The following EIF3G variants were observed in gnomAD, a reference collection of about 807,000 sequenced individuals.
EIF3G encodes the protein eukaryotic translation initiation factor 3 subunit G, also known as eukaryotic translation initiation factor 3 RNA-binding subunit.
A neutral mutation model predicts 41.7 loss-of-function variants in EIF3G; 10 were observed. That is an observed-to-expected ratio of 0.24 (90% confidence interval 0.15 to 0.41). EIF3G has a LOEUF of 0.41. Among genes scored for constraint, EIF3G ranks in the 10% least tolerant of loss-of-function variants. The probability of loss-of-function intolerance (pLI) is 1.00; values close to 1 mark genes in which losing one functional copy is unlikely to be tolerated. For synonymous variants in EIF3G, 204 were observed against 172.5 expected (o/e 1.18, Z -1.43); for missense variants, 297 against 444.0 (o/e 0.67, Z 2.98).
At position 10,117,007 on chromosome 19, in the gene EIF3G, G is replaced by T; in HGVS notation, c.406-18C>A. On this transcript the variant is annotated intron_variant, in intron 6 of 10. Coordinates refer to ENST00000253108, the MANE Select transcript of EIF3G (RefSeq NM_003755.5). ...TTCAGGTCCTGGCAGGGGCGGGTTG[G>T]GGGGAGCTCAGAGGCGGCTAAGGCA... The T allele has an allele frequency of 6.2e-7, 1 of 1,605,328 alleles. No individual in the cohort carries two copies. Among genetic ancestry groups the T allele is most frequent in the Non-Finnish European group, 8.5e-7 (1 of 1,174,100 alleles).
At position 10,116,219 on chromosome 19, in the gene EIF3G, C is replaced by G; in HGVS notation, c.596-145G>C. ...GGCAGCCAGTTGGCCACGAGGACAC[C>G]AAGGTGACACCTGAGAAGCTGACAC... On this transcript the variant is annotated intron_variant, in intron 7 of 10. Coordinates refer to ENST00000253108, the MANE Select transcript of EIF3G (RefSeq NM_003755.5). The surrounding 1 kb of genome is among the most constrained non-coding windows in gnomAD (Gnocchi z 4.1). 1 of 726,486 alleles carries G rather than the reference C, an allele frequency of 1.4e-6. No homozygotes were observed. The highest frequency in any genetic ancestry group is 1.8e-5 in the South Asian group (1 of 54,508). The allele number at this position is 726,486 out of a possible 1,614,324, so 45.0% of individuals were successfully genotyped here. A position where few individuals can be genotyped will look rare whatever the true frequency, so the allele number is the denominator to read the frequency against.
At chr19:10,117,948 A>G (rs569475621) in intron 5 of EIF3G, 2 of 152,098 alleles carry the variant, frequency 1.3e-5, no homozygotes, top group African/African-American at 4.8e-5. Context: ...GCTACTCAGG[A>G]GGGTGGGGTG....
At chr19:10,117,325 C>G (rs1231615599) in intron 5 of EIF3G, 137 bp from the exon 6 acceptor site, 1 of 641,356 alleles carries the variant, frequency 1.6e-6, no homozygotes, top group African/African-American at 1.8e-5. Context: ...CAAGCACTCC[C>G]TGAACAGTCC....
chr19:10,115,253 G>A, intron 10 of EIF3G, 124 bp from the exon 11 acceptor site: 2 of 1,313,444 alleles, frequency 1.5e-6, no homozygotes, highest in South Asian at 2.8e-5. Flanking sequence ...AGCGGGCACG[G>A]AGCCAGATGG....
At chr19:10,119,540 G>T in intron 2 of EIF3G, 114 bp downstream of exon 2, 1 of 1,352,716 alleles carries the variant, frequency 7.4e-7, no homozygotes, top group Non-Finnish European at 1.0e-6. Flanking sequence ...GGATGGCGCG[G>T]GGCAGGGGCA....
intron 9 of EIF3G, 28 bp downstream of exon 9, chr19:10,115,656 G>A (rs767951767): frequency 3.1e-6 from 5 of 1,592,860 alleles, no homozygotes; most frequent in Non-Finnish European, 4.3e-6. Flanking sequence ...CCCTCACACA[G>A]CCCCACCGTG....
chr19:10,118,582 A>AT, intron 5 of EIF3G, 86 bp downstream of exon 5: 3 of 1,299,454 alleles, frequency 2.3e-6, no homozygotes, highest in South Asian at 1.3e-5. Flanking sequence ...AAAAAAAAAA[A>AT]GAGTTAAGCC....
intron 2 of EIF3G, chr19:10,119,375 G>A: frequency 1.3e-6 from 1 of 766,504 alleles, no homozygotes; most frequent in Non-Finnish European, 2.3e-6. Context: ...GAAGGTGGGT[G>A]CCAGGCCATG....
At chr19:10,118,243 TCA>T (rs2089275863) in intron 5 of EIF3G, 2 of 196,318 alleles carry the variant, frequency 1.0e-5, no homozygotes, top group South Asian at 1.5e-4. Context: ...ACCCCAGGCC[TCA>T]GTTCAGCTTC....
Position 10,116,724 on chromosome 19 carries a change from G to T in EIF3G, c.595+76C>A. On this transcript the variant is annotated intron_variant, in intron 7 of 10. Transcript: ENST00000253108. This position sits in a 1 kb window ranked among gnomAD's most constrained non-coding sequence, Gnocchi z 4.1. ...ACCATCAAACCCGCTGCACTGTCGT[G>T]CGGGAGATGACAGCACGAAGGCAGC... 7.0e-7 allele frequency: 1 copy of T among 1,424,286 alleles called. No individual in the cohort carries two copies. The highest frequency in any genetic ancestry group is 9.4e-7 in the Non-Finnish European group (1 of 1,058,690). The allele number at this position is 1,424,286 out of a possible 1,614,324, so 88.2% of individuals were successfully genotyped here. A position where few individuals can be genotyped will look rare whatever the true frequency, so the allele number is the denominator to read the frequency against.
intron 10 of EIF3G, 173 bp from the exon 11 acceptor site, chr19:10,115,302 C>A: frequency 9.0e-7 from 1 of 1,113,652 alleles, no homozygotes; most frequent in Non-Finnish European, 1.3e-6. Flanking sequence ...GCAGGGACCC[C>A]AGGCACAAGA....
intron 5 of EIF3G, 55 bp downstream of exon 5, chr19:10,118,613 C>G: frequency 6.3e-7 from 1 of 1,590,554 alleles, no homozygotes; most frequent in Non-Finnish European, 8.6e-7. Flanking sequence ...ACACAAAGTC[C>G]GGGAGCACGG....
At chr19:10,119,025 A>T in intron 3 of EIF3G, 63 bp downstream of exon 3, 1 of 1,611,008 alleles carries the variant, frequency 6.2e-7, no homozygotes, top group Non-Finnish European at 8.5e-7. Context: ...GCAGGGCTGG[A>T]GGGAGAGGCA....
In EIF3G at chr19:10,119,675, C is replaced by T. The variant is rs1475432088; in HGVS notation, c.46G>A (p.Val16Met). The T allele has an allele frequency of 6.3e-7, 1 of 1,587,418 alleles. No individual in the cohort carries two copies. The highest frequency in any genetic ancestry group is 8.6e-7 in the Non-Finnish European group (1 of 1,163,800). ...TTACCGTCCTCCCCCTCCTCCTCCA[C>T]CTGGTCGGCCCAACTGGGCTTCGAA... is the stretch of plus-strand genomic sequence containing the variant. ...FDSKPSWADQVEEEGEDDKCV... is the reference protein window; with the variant it reads ...FDSKPSWADQMEEEGEDDKCV... The change falls in exon 2 of 11, where the codon GTG becomes ATG. Residue 16 changes from valine to methionine, a missense_variant. Val to Met is a conservative substitution (Grantham distance 21). Transcript: ENST00000253108.
rs766101046 is a variant in EIF3G, at chr19:10,119,821, T to C, written c.20+19A>G. On this transcript the variant is annotated intron_variant, in intron 1 of 10. Coordinates refer to ENST00000253108, the MANE Select transcript of EIF3G (RefSeq NM_003755.5). ...ACCCCAACCGCTTCCCGTGCCCCTT[T>C]CCGCGATCGCCGACTCACTCAAAGT... 1.1e-5 allele frequency: 17 copies of C among 1,614,054 alleles called. No individual in the cohort carries two copies. In the South Asian group the frequency reaches 1.2e-4, roughly 11 times the overall value.
In EIF3G at chr19:10,116,094, C is replaced by G. The variant is rs771502893; in HGVS notation, c.596-20G>C. 1.2e-6 allele frequency: 2 copies of G among 1,609,678 alleles called. No individual in the cohort carries two copies. Among genetic ancestry groups the G allele is most frequent in the South Asian group, 2.2e-5 (2 of 90,594 alleles). On this transcript the variant is annotated intron_variant, in intron 7 of 10. Coordinates refer to ENST00000253108, the MANE Select transcript of EIF3G (RefSeq NM_003755.5). This position sits in a 1 kb window ranked among gnomAD's most constrained non-coding sequence, Gnocchi z 4.1. ...CTAGCTCTGGGGACCAAAAGACAGT[C>G]AAGTTCAACCTCACTGTGGCGCAGG...
At chr19:10,118,583 GA>G in intron 5 of EIF3G, 84 bp downstream of exon 5, 2 of 1,111,290 alleles carry the variant, frequency 1.8e-6, no homozygotes, top group Admixed American at 2.1e-5. Flanking sequence ...AAAAAAAAAA[GA>G]GTTAAGCCCC....
intron 10 of EIF3G, 30 bp downstream of exon 10, chr19:10,115,449 G>A (rs2089226114): frequency 6.3e-7 from 1 of 1,582,676 alleles, no homozygotes; most frequent in Non-Finnish European, 8.6e-7. Context: ...AAGGCAGGGA[G>A]CAGGGGCTGG....
At position 10,116,970 on chromosome 19, in the gene EIF3G, TC is replaced by T; in HGVS notation, c.424del (p.Glu142ArgfsTer5). The T allele has an allele frequency of 6.2e-7, 1 of 1,611,632 alleles. No individual in the cohort carries two copies. The highest frequency in any genetic ancestry group is 8.5e-7 in the Non-Finnish European group (1 of 1,178,446). ...CTTGAGTTTGTTCATAGGGTCCTCCTCCTCCTGGCAGTTCAGGTCCTGGCAG... is the reference window on the plus strand; with the variant it reads ...CTTGAGTTTGTTCATAGGGTCCTCCTCTCCTGGCAGTTCAGGTCCTGGCAG... ...TSKEDLNCQE[E>X]EDPMNKLKGQ... On this transcript the variant is annotated frameshift_variant, in exon 7 of 11. Coordinates refer to ENST00000253108, the MANE Select transcript of EIF3G (RefSeq NM_003755.5). LOFTEE classifies it high-confidence loss of function. This position sits in a 1 kb window ranked among gnomAD's most constrained non-coding sequence, Gnocchi z 4.1.
Sources: allele counts gnomAD v4.1 joint callset, GRCh38; gene constraint gnomAD v4.1.1; non-coding constraint Gnocchi (gnomAD v3.1); transcripts MANE v1.5; gene names NCBI Gene and HGNC (gene_info 2026-07-23, HGNC 2026-07-21).